FADS6: variants seen among roughly 807,000 people sequenced by gnomAD.
The protein encoded by FADS6 is fatty acid desaturase 6, also known as fatty acid desaturase domain family, member 6.
In FADS6, 28 loss-of-function variants were observed where a neutral mutation model predicts 31.7. That is an observed-to-expected ratio of 0.88 (90% confidence interval 0.66 to 1.21). The LOEUF (loss-of-function observed/expected upper bound fraction) is 1.21. FADS6 is among the 50% of genes most tolerant of loss of function. The pLI is 0.00. For synonymous variants in FADS6, 191 were observed against 213.1 expected, an observed-to-expected ratio of 0.90 and a Z score of 0.90; for missense variants, 494 against 504.2, an observed-to-expected ratio of 0.98 and a Z score of 0.19.
At chr17:74,891,394 A>G (rs2038687413) in intron 2 of FADS6, among the ~76,000 whole-genome samples, 1 of 152,026 alleles carries the variant, frequency 6.6e-6, no homozygotes. Flanking sequence ...GTGACCCAGC[A>G]TTATGACACA....
downstream of FADS6, chr17:74,877,215 C>T (rs1226576350): frequency 2.0e-5 from 3 of 152,264 alleles, no homozygotes. Flanking sequence ...TCTTCTCTCT[C>T]CCAGTAGATG....
rs145096183 is a variant in FADS6 at position 74,878,426 on chromosome 17, C to G, written c.1012G>C (p.Glu338Gln). 54 of 1,613,904 alleles carry G rather than the reference C, an allele frequency of 3.3e-5. No individual in the cohort carries two copies. Among genetic ancestry groups the G allele is most frequent in the Admixed American group, 3.0e-4 (18 of 60,002 alleles). ...FLREKQLPYN[E>Q]DSYLARFQLF... The stretch of plus-strand genomic sequence containing the variant: ...TGGAAGCGAGCCAGGTATGAGTCCT[C>G]GTTGTACGGTAGCTGCTTCTCACGT... Residue 338 changes from glutamate (E) to glutamine (Q), a missense_variant, in exon 6 of 6, where the codon GAG (glutamate) becomes CAG (glutamine). Glu to Gln is a conservative substitution (Grantham distance 29). Coordinates refer to ENST00000612771, the MANE Select transcript of FADS6 (RefSeq NM_178128.6).
At chr17:74,888,928 C>T (rs1190824169) in intron 2 of FADS6, among the ~76,000 whole-genome samples, 1 of 152,226 alleles carries the variant, frequency 6.6e-6, no homozygotes, top group Admixed American at 6.5e-5. Context: ...TGGCAGTCCC[C>T]ATGGTGACCC....
chr17:74,882,759 T>C (rs1451219407), intron 2 of FADS6, 49 bp from the exon 3 acceptor site: 1 of 1,572,628 alleles, frequency 6.4e-7, no homozygotes, highest in Admixed American at 1.8e-5. Flanking sequence ...CAGGCACAGT[T>C]GAGCAATGCA....
intron 1 of FADS6, among the ~76,000 whole-genome samples, chr17:74,892,895 T>C (rs2038707283): frequency 6.6e-6 from 1 of 152,052 alleles, no homozygotes; most frequent in Non-Finnish European, 1.5e-5. Context: ...TGCCTGGTCC[T>C]GACTCTCCAG....
chr17:74,888,140 ACACACACACACACACGCG>A (rs1183025232), intron 2 of FADS6, among the ~76,000 whole-genome samples: 49 of 111,314 alleles, frequency 4.4e-4, no homozygotes, highest in African/African-American at 8.3e-4. Context: ...ACACACACAC[ACACACACACACACACGCG>A]CGCGCGCGCG....
rs1277067101 is a variant in FADS6 at position 74,881,118 on chromosome 17, G to A, written c.730C>T (p.Leu244Phe). 2 of 1,613,640 alleles carry A rather than the reference G, an allele frequency of 1.2e-6. No homozygotes were observed. The highest frequency in any genetic ancestry group is 2.7e-5 in the African/African-American group (2 of 74,930). Reference protein sequence around the residue: ...NPSSALGCMFLTRSLLAHPYL... With the variant: ...NPSSALGCMFFTRSLLAHPYL... Reference sequence around the variant, plus strand: ...GGGTGGGCCAACAGGGATCTGGTGAGGAACATGCAGCCCAGGGCTGAGCTG... The same window carrying A: ...GGGTGGGCCAACAGGGATCTGGTGAAGAACATGCAGCCCAGGGCTGAGCTG... Residue 244 changes from leucine (L) to phenylalanine (F), a missense_variant, in exon 4 of 6, where the codon CTC becomes TTC. By Grantham distance (22) the Leu-to-Phe change is conservative (BLOSUM62 0). Around this residue, in one of 2 missense-constraint regions of FADS6, gnomAD observed 454 missense variants for 438.5 expected, o/e 1.04. Transcript: ENST00000612771.
chr17:74,893,244 G>T (rs982203032), intron 1 of FADS6, 108 bp downstream of exon 1: 2 of 1,257,906 alleles, frequency 1.6e-6, no homozygotes, highest in Non-Finnish European at 1.0e-6. Flanking sequence ...AGTCCACTCC[G>T]CAGGCTGCAC....
intron 2 of FADS6, among the ~76,000 whole-genome samples, chr17:74,889,918 C>G (rs533982594): frequency 1.4e-5 from 2 of 145,844 alleles, no homozygotes; most frequent in Non-Finnish European, 3.0e-5. Flanking sequence ...AACTGCTAAC[C>G]CTTTCCTTGC....
chr17:74,880,710 G>A (rs994889849), intron 4 of FADS6, among the ~76,000 whole-genome samples: 1 of 152,014 alleles, frequency 6.6e-6, no homozygotes, highest in Non-Finnish European at 1.5e-5. Context: ...GGTCGGGAGG[G>A]GACCACTTAC....
intron 2 of FADS6, 119 bp downstream of exon 2, chr17:74,892,404 T>A: frequency 8.1e-7 from 1 of 1,234,824 alleles, no homozygotes; most frequent in Non-Finnish European, 1.1e-6. Flanking sequence ...TACCATCAGC[T>A]GCAGCGGCCT....
chr17:74,877,781 C>T lies in FADS6; in HGVS notation c.*550G>A. 1 of 985,974 alleles carries T rather than the reference C, an allele frequency of 1.0e-6. No homozygotes were observed. Among genetic ancestry groups the T allele is most frequent in the Non-Finnish European group, 1.2e-6 (1 of 830,348 alleles). 61.1% of individuals were successfully genotyped at this position (985,974 alleles called of 1,614,324 possible). On this transcript the variant is annotated 3_prime_UTR_variant, in exon 6 of 6. Transcript: ENST00000612771. Reference sequence around the variant, plus strand: ...CTGAGCCAGTGTCTTGCACAGGTTCCTTTGGCTGAGGATCGAGGAAGGCCT... The same window carrying T: ...CTGAGCCAGTGTCTTGCACAGGTTCTTTTGGCTGAGGATCGAGGAAGGCCT...
At chr17:74,891,609 G>A (rs1299829148) in intron 2 of FADS6, among the ~76,000 whole-genome samples, 1 of 152,128 alleles carries the variant, frequency 6.6e-6, no homozygotes, top group Non-Finnish European at 1.5e-5. Context: ...TCAGCACTTT[G>A]ATGTGTGTGC....
chr17:74,888,138 ACACACACACACACACACGCG>A (rs1226322955), intron 2 of FADS6, among the ~76,000 whole-genome samples: 5 of 108,752 alleles, frequency 4.6e-5, no homozygotes, highest in Admixed American at 8.7e-5. Context: ...ACACACACAC[ACACACACACACACACACGCG>A]CGCGCGCGCG....
intron 3 of FADS6, among the ~76,000 whole-genome samples, chr17:74,882,205 G>C (rs1233114135): frequency 6.6e-6 from 1 of 152,196 alleles, no homozygotes; most frequent in East Asian, 1.9e-4. Context: ...CAAAGTGCTA[G>C]GATTACAGGT....
chr17:74,881,732 G>GAA (rs35456871), intron 3 of FADS6, among the ~76,000 whole-genome samples: 136 of 112,154 alleles, frequency 1.2e-3, no homozygotes, highest in Admixed American at 2.2e-3. Context: ...GCAAGACTCT[G>GAA]AAAAAAAAAA....
Position 74,892,686 on chromosome 17 carries a change from A to T in FADS6, c.248T>A (p.Phe83Tyr). The T allele has an allele frequency of 6.2e-7, 1 of 1,611,200 alleles. No homozygotes were observed. The change falls in exon 2 of 6, where the codon TTC becomes TAC. Residue 83 changes from phenylalanine (F) to tyrosine (Y), a missense_variant. Coordinates refer to ENST00000612771, the MANE Select transcript of FADS6 (RefSeq NM_178128.6). ...GGCATTCTCCCAGCGCAGGCACAGGAAGCCTGCGTGGAGAGGAGGAAGAAG... is the reference window on the plus strand; with the variant it reads ...GGCATTCTCCCAGCGCAGGCACAGGTAGCCTGCGTGGAGAGGAGGAAGAAG... ...ALSLFALPAG[F>Y]LCLRWENALV...
chr17:74,880,060 CA>C, intron 4 of FADS6, among the ~76,000 whole-genome samples: 1 of 152,240 alleles, frequency 6.6e-6, no homozygotes, highest in East Asian at 1.9e-4. Flanking sequence ...GGACAGAACT[CA>C]ATTATGGGAT....
chr17:74,882,674 C>T lies in FADS6; in HGVS notation c.448G>A (p.Gly150Arg), dbSNP rs2038584588. 2 of 1,611,094 alleles carry T rather than the reference C, an allele frequency of 1.2e-6. No individual in the cohort carries two copies. The highest frequency in any genetic ancestry group is 1.7e-5 in the Admixed American group (1 of 59,686). The change falls in exon 3 of 6, where the codon GGG becomes AGG. Residue 150 changes from glycine to arginine, a missense_variant. By Grantham distance (125) the Gly-to-Arg change is moderately radical. Transcript: ENST00000612771. ...TAGGCATGGTGCATCTTGACGTGCC[C>T]ATGCGTGGCGTGCTCTGCAGTGAAG... is the stretch of plus-strand genomic sequence containing the variant. Reference protein sequence around the residue: ...TAFTAEHATHGHVKMHHAYTN... With the variant: ...TAFTAEHATHRHVKMHHAYTN...
Sources: gnomAD v4.1 joint callset for allele counts (sites outside exome capture counted in the v4.1 genomes callset) on GRCh38, gnomAD v4.1.1 for gene constraint, gnomAD v4.1.1 regional missense constraint, MANE v1.5 for transcripts, NCBI Gene and HGNC (gene_info 2026-07-23, HGNC 2026-07-21) for gene names.